The following DDX20 variants were observed in gnomAD, a reference collection of about 807,000 sequenced individuals.
DDX20 encodes the protein probable ATP-dependent RNA helicase DDX20.
A neutral mutation model predicts 76.4 loss-of-function variants in DDX20; 61 were observed. That is an observed-to-expected ratio of 0.80 (90% CI 0.65 to 0.99). DDX20 has a LOEUF of 0.99. DDX20 is among the 50% of genes least tolerant of loss of function. DDX20 has a pLI of 0.00. For synonymous variants in DDX20, 357 were observed against 357.4 expected, an observed-to-expected ratio of 1.00 and a Z score of 0.01; for missense variants, 976 against 996.8, an observed-to-expected ratio of 0.98 and a Z score of 0.28.
In DDX20 at chr1:111,764,426, A is replaced by T. The variant is rs1476126853; in HGVS notation, c.1313-1311A>T. Among the ~76,000 whole-genome samples the T allele has an allele frequency of 2.6e-5, 4 of 152,330 alleles. No individual in the cohort carries two copies. The South Asian group carries it at 6.2e-4, about 24-fold the overall frequency. On this transcript the variant is annotated intron_variant, in intron 10 of 10. Transcript: ENST00000369702. The stretch of plus-strand genomic sequence containing the variant: ...GAGCTAGATTAAGCACAGATCTGGG[A>T]GTTCTATGTATTCTAGTAGATCGGG...
At chr1:111,757,909 C>G (rs1053602371) in intron 2 of DDX20, among the ~76,000 whole-genome samples, 20 of 122 alleles carry the variant, frequency 0.16, no homozygotes, top group African/African-American at 0.25. Context: ...AGGCTGGAGT[C>G]AGTGGCACAA....
intron 10 of DDX20, among the ~76,000 whole-genome samples, chr1:111,763,867 A>C (rs1021398830): frequency 6.6e-6 from 1 of 152,196 alleles, no homozygotes; most frequent in African/African-American, 2.4e-5. Context: ...TAAAACTAGT[A>C]ATGATCTCTT....
chr1:111,757,184 T>G (rs190941235), intron 2 of DDX20, among the ~76,000 whole-genome samples: 1 of 152,166 alleles, frequency 6.6e-6, no homozygotes, highest in African/African-American at 2.4e-5. Flanking sequence ...CCTAAGTATT[T>G]GGGACTACAG....
intron 10 of DDX20, among the ~76,000 whole-genome samples, chr1:111,764,004 C>T (rs1663726241): frequency 6.6e-6 from 1 of 151,902 alleles, no homozygotes; most frequent in South Asian, 2.1e-4. Flanking sequence ...TAGAAAAATA[C>T]ACATATAGGT....
At position 111,760,694 on chromosome 1, in the gene DDX20, T is replaced by G. The variant is rs749001869; in HGVS notation, c.681-12T>G. 95 of 1,607,006 alleles carry G rather than the reference T, an allele frequency of 5.9e-5. No individual in the cohort carries two copies. The highest frequency in any genetic ancestry group is 3.3e-4 in the Middle Eastern group (2 of 6,044). Reference sequence around the variant, plus strand: ...TTGAATAATTTACATGGTATCTGTTTTTATTTTGCAGTTGGATTTATTCTT... The same window carrying G: ...TTGAATAATTTACATGGTATCTGTTGTTATTTTGCAGTTGGATTTATTCTT... On this transcript the variant is annotated splice_polypyrimidine_tract_variant and intron_variant, in intron 4 of 10. Transcript: ENST00000369702.
At chr1:111,765,392 G>C (rs1167174891) in intron 10 of DDX20, among the ~76,000 whole-genome samples, 1 of 152,128 alleles carries the variant, frequency 6.6e-6, no homozygotes, top group Non-Finnish European at 1.5e-5. Context: ...TTTGCTGTCA[G>C]AAGTATTGAG....
rs143504189 is a variant in DDX20 at position 111,762,983 on chromosome 1, A to G, written c.1288A>G (p.Asn430Asp). Residue 430 changes from asparagine to aspartate, a missense_variant, in exon 10 of 11, where the codon AAT becomes GAT. By Grantham distance (23) the Asn-to-Asp change is conservative (BLOSUM62 1). Coordinates refer to ENST00000369702, the MANE Select transcript of DDX20 (RefSeq NM_007204.5). ...NMMMRIAQKCNINLLPLPDPI... is the reference protein window; with the variant it reads ...NMMMRIAQKCDINLLPLPDPI... ...GATGATGAGAATTGCCCAGAAATGTAATATCAACCTTCTCCCTTTACCAGG... is the reference window on the plus strand; with the variant it reads ...GATGATGAGAATTGCCCAGAAATGTGATATCAACCTTCTCCCTTTACCAGG... 19 of 1,613,536 alleles carry G rather than the reference A, an allele frequency of 1.2e-5. No individual in the cohort carries two copies. The African/African-American group carries it at 2.5e-4, about 22-fold the overall frequency.
At chr1:111,762,396 A>G (rs904151658) in intron 8 of DDX20, 59 bp downstream of exon 8, 3 of 1,331,142 alleles carry the variant, frequency 2.3e-6, no homozygotes, top group Middle Eastern at 3.7e-4. Context: ...CTATTATCAG[A>G]TGTACAGATT....
In DDX20 at chr1:111,767,661, T is replaced by G. The variant is rs1418678593; in HGVS notation, c.*762T>G. 6.6e-6 allele frequency: 1 copy of G among 151,912 alleles called. No individual in the cohort carries two copies. The highest frequency in any genetic ancestry group is 1.5e-5 in the Non-Finnish European group (1 of 67,890). The allele number at this position is 151,912 out of a possible 1,614,324, so 9.4% of individuals were successfully genotyped here. A position where few individuals can be genotyped will look rare whatever the true frequency, so the allele number is the denominator to read the frequency against. ...TTGGATCCTTTTATGAATCAGCTGA[T>G]AGCTATAGATTGACTTCAGGAAATT... is the stretch of plus-strand genomic sequence containing the variant. On this transcript the variant is annotated 3_prime_UTR_variant, in exon 11 of 11. Coordinates refer to ENST00000369702, the MANE Select transcript of DDX20 (RefSeq NM_007204.5).
Position 111,765,771 on chromosome 1 carries a change from G to A in DDX20, c.1347G>A (p.Val449=). ...CTTCTGGTCTGATGGAAGAATGTGTGGATTGGGATGTGGAAGTTAAAGCTG... is the reference window on the plus strand; with the variant it reads ...CTTCTGGTCTGATGGAAGAATGTGTAGATTGGGATGTGGAAGTTAAAGCTG... ...PIPSGLMEEC[V]DWDVEVKAAV... is the part of the protein sequence containing the mutation. Residue 449 remains valine, a synonymous_variant, in exon 11 of 11, where the codon GTG becomes GTA. Coordinates refer to ENST00000369702, the MANE Select transcript of DDX20 (RefSeq NM_007204.5). The A allele has an allele frequency of 6.2e-7, 1 of 1,607,542 alleles. No homozygotes were observed. Among genetic ancestry groups the A allele is most frequent in the Non-Finnish European group, 8.5e-7 (1 of 1,178,054 alleles).
intron 3 of DDX20, among the ~76,000 whole-genome samples, chr1:111,759,904 G>A (rs1431339848): frequency 6.7e-6 from 1 of 150,178 alleles, no homozygotes; most frequent in Non-Finnish European, 1.5e-5. Flanking sequence ...AACCCGGGAG[G>A]CGGAGCTTGC....
Position 111,766,072 on chromosome 1 carries a change from G to C in DDX20, c.1648G>C (p.Val550Leu), listed in dbSNP as rs1241413083. 11 of 1,614,210 alleles carry C rather than the reference G, an allele frequency of 6.8e-6. No individual in the cohort carries two copies. Among genetic ancestry groups the C allele is most frequent in the African/African-American group, 2.7e-5 (2 of 75,052 alleles). The change falls in exon 11 of 11, where the codon GTT becomes CTT. Residue 550 changes from valine (V) to leucine (L), a missense_variant. Physicochemically the swap from Val to Leu is conservative, Grantham distance 32. Around this residue, in one of 3 missense-constraint regions of DDX20, gnomAD observed 630 missense variants for 693.7 expected, o/e 0.91. Coordinates refer to ENST00000369702, the MANE Select transcript of DDX20 (RefSeq NM_007204.5). Reference protein sequence around the residue: ...RQSEEQMKNSVQTPVENSTNS... With the variant: ...RQSEEQMKNSLQTPVENSTNS... ...ATCCGAAGAGCAAATGAAGAATTCT[G>C]TTCAGACTCCCGTTGAAAACTCCAC...
chr1:111,763,933 A>G lies in DDX20; in HGVS notation c.1312+926A>G, dbSNP rs150614103. On this transcript the variant is annotated intron_variant, in intron 10 of 10. Coordinates refer to ENST00000369702, the MANE Select transcript of DDX20 (RefSeq NM_007204.5). ...TGGAAATATGGCATTTTTGACGTGC[A>G]TGTTATACAGAAAATGTGCACTATA... Among the ~76,000 whole-genome samples the G allele has an allele frequency of 2.4e-3, 361 of 152,314 alleles. 2 individuals are homozygous for G. Among genetic ancestry groups the G allele is most frequent in the African/African-American group, 8.3e-3 (346 of 41,560 alleles).
chr1:111,766,785 T>C lies in DDX20; in HGVS notation c.2361T>C (p.Tyr787=). ...WRAYYRAWQE[Y]YAAASHSYYW... ...CTTACTACAGGGCATGGCAAGAATATTATGCTGCCGCTTCTCATTCATATT... is the reference window on the plus strand; with the variant it reads ...CTTACTACAGGGCATGGCAAGAATACTATGCTGCCGCTTCTCATTCATATT... Residue 787 remains tyrosine, a synonymous_variant, in exon 11 of 11, where the codon TAT becomes TAC. Transcript: ENST00000369702. 6.2e-7 allele frequency: 1 copy of C among 1,614,180 alleles called. No homozygotes were observed. The highest frequency in any genetic ancestry group is 8.5e-7 in the Non-Finnish European group (1 of 1,179,984).
rs1571611852 is a variant in DDX20, at chr1:111,763,149, C to T, written c.1312+142C>T. The T allele has an allele frequency of 2.4e-5, 16 of 656,490 alleles. No homozygotes were observed. In the East Asian group the frequency reaches 4.1e-4, roughly 17 times the overall value. 40.7% of individuals were successfully genotyped at this position (656,490 alleles called of 1,614,324 possible). ...TATGTACGTTAACTCATTTACTTCT[C>T]ACCACACTCCTATGAGGTGTGTGCA... On this transcript the variant is annotated intron_variant, in intron 10 of 10. Coordinates refer to ENST00000369702, the MANE Select transcript of DDX20 (RefSeq NM_007204.5).
At chr1:111,756,815 TC>T in intron 2 of DDX20, 75 bp downstream of exon 2, 3 of 1,225,046 alleles carry the variant, frequency 2.4e-6, no homozygotes, top group Non-Finnish European at 3.6e-6. Context: ...TACCAGTAGC[TC>T]CTCAGAGCTG....
chr1:111,761,249 T>C lies in DDX20; in HGVS notation c.986T>C (p.Leu329Pro). The C allele has an allele frequency of 6.2e-7, 1 of 1,613,468 alleles. No homozygotes were observed. Residue 329 changes from leucine to proline, a missense_variant, in exon 7 of 11, where the codon CTT becomes CCT. Leu to Pro is a moderately conservative substitution (Grantham distance 98). This residue lies in a region of DDX20 where 630 missense variants were observed against 693.7 expected (regional missense o/e 0.91). Coordinates refer to ENST00000369702, the MANE Select transcript of DDX20 (RefSeq NM_007204.5). ...HSRAQHLADI[L>P]SSKGFPAECI... ...AGAGCACAACATTTGGCTGATATCC[T>C]TTCTTCTAAAGGCTTTCCTGCTGAG...
rs61755355 is a variant in DDX20, at chr1:111,756,683, C to T, written c.339C>T (p.Thr113=). 6.1e-4 allele frequency: 992 copies of T among 1,614,134 alleles called. 2 individuals are homozygous for T. The highest frequency in any genetic ancestry group is 1.2e-3 in the South Asian group (108 of 91,082). The part of the protein sequence containing the change: ...IVQAKSGTGK[T]CVFSTIALDS... ...AAGCTAAATCTGGCACCGGGAAAAC[C>T]TGTGTGTTCTCCACCATAGCTTTGG... The change falls in exon 2 of 11, where the codon ACC becomes ACT. Residue 113 remains threonine (T), a synonymous_variant. Coordinates refer to ENST00000369702, the MANE Select transcript of DDX20 (RefSeq NM_007204.5).
Position 111,755,907 on chromosome 1 carries a change from T to G in DDX20, c.-18T>G. The G allele has an allele frequency of 6.4e-7, 1 of 1,565,636 alleles. No homozygotes were observed. The highest frequency in any genetic ancestry group is 8.7e-7 in the Non-Finnish European group (1 of 1,152,002). On this transcript the variant is annotated 5_prime_UTR_variant, in exon 1 of 11. Coordinates refer to ENST00000369702, the MANE Select transcript of DDX20 (RefSeq NM_007204.5). ...CCGCCTCCCCTTAAGCACCGCGAGA[T>G]CTGACGGCGCGGCTACCATGGCGGC... is the stretch of plus-strand genomic sequence containing the variant.
Sources: gnomAD v4.1 joint callset for allele counts (sites outside exome capture counted in the v4.1 genomes callset) on GRCh38, gnomAD v4.1.1 for gene constraint, gnomAD v4.1.1 regional missense constraint, MANE v1.5 for transcripts, NCBI Gene and HGNC (gene_info 2026-07-23, HGNC 2026-07-21) for gene names.